Variants in MYO18B observed in about 807,000 individuals in gnomAD.
MYO18B encodes the protein unconventional myosin-XVIIIb.
A neutral mutation model predicts 273.0 loss-of-function variants in MYO18B; 204 were observed. That is an observed-to-expected ratio of 0.75 (90% confidence interval 0.67 to 0.84). The LOEUF (loss-of-function observed/expected upper bound fraction) is 0.84. Among genes scored for constraint, MYO18B ranks in the 40% least tolerant of loss-of-function variants. The pLI is 0.00. For missense variants in MYO18B, 3,212 were observed against 3,287.6 expected (o/e 0.98, Z 0.56); for synonymous variants, 1,330 against 1,305.7 (o/e 1.02, Z -0.40).
At chr22:25,850,618 C>T (rs1361697899) in intron 20 of MYO18B, among the ~76,000 whole-genome samples, 1 of 152,092 alleles carries the variant, frequency 6.6e-6, no homozygotes, top group Non-Finnish European at 1.5e-5. Context: ...CGCTCTGTCA[C>T]CCAGGCTGGA....
At chr22:26,042,528 C>T in the MYO18B span, among the ~76,000 whole-genome samples, 1 of 152,220 alleles carries the variant, frequency 6.6e-6, no homozygotes, top group African/African-American at 2.4e-5. Flanking sequence ...CATAGAGAGG[C>T]AGAATTAGTT....
At position 25,769,447 on chromosome 22, in the gene MYO18B, T is replaced by C. The variant is rs2086635363; in HGVS notation, c.1512+19T>C. The C allele has an allele frequency of 1.3e-6, 2 of 1,493,854 alleles. No homozygotes were observed. The highest frequency in any genetic ancestry group is 1.3e-5 in the South Asian group (1 of 74,730). The allele number at this position is 1,493,854 out of a possible 1,614,324, so 92.5% of individuals were successfully genotyped here. A position where few individuals can be genotyped will look rare whatever the true frequency, so the allele number is the denominator to read the frequency against. ...AGACCAGGTGAGGGGGCTGCGGCCC[T>C]GGGAGCGGGAAGCGGCAGACAGGCC... On this transcript the variant is annotated intron_variant, in intron 4 of 43. Transcript: ENST00000335473.
chr22:25,768,165 C>G lies in MYO18B; in HGVS notation c.249C>G (p.Thr83=), dbSNP rs368567040. The G allele has an allele frequency of 6.2e-7, 1 of 1,611,858 alleles. No homozygotes were observed. The highest frequency in any genetic ancestry group is 1.3e-5 in the African/African-American group (1 of 74,866). ...CCAACAGCAAGTCCAGCAGTGGCAC[C>G]AGATCTGGAAGCCAGCAGATCTCTC... ...SQPNSKSSSG[T]RSGSQQISQD... Residue 83 remains threonine, a synonymous_variant, in exon 4 of 44, where the codon ACC becomes ACG. Coordinates refer to ENST00000335473, the MANE Select transcript of MYO18B (RefSeq NM_032608.7).
chr22:25,911,650 C>T (rs939983678), intron 33 of MYO18B, among the ~76,000 whole-genome samples: 2 of 152,214 alleles, frequency 1.3e-5, no homozygotes, highest in Admixed American at 6.5e-5. Context: ...CTGTACATTG[C>T]GGGATATCAC....
At chr22:26,035,433 C>T (rs1254535758), downstream of MYO18B, among the ~76,000 whole-genome samples, 1 of 152,178 alleles carries the variant, frequency 6.6e-6, no homozygotes, top group Non-Finnish European at 1.5e-5. Flanking sequence ...CCTAGGCAAT[C>T]AGGAATGCAA....
chr22:25,783,937 T>G (rs2145677994), intron 10 of MYO18B, among the ~76,000 whole-genome samples: 1 of 152,338 alleles, frequency 6.6e-6, no homozygotes, highest in African/African-American at 2.4e-5. Flanking sequence ...TGCTGCCAAC[T>G]TGGTCCGTCA....
chr22:25,850,031 G>A (rs1170807928), intron 20 of MYO18B, among the ~76,000 whole-genome samples: 1 of 152,166 alleles, frequency 6.6e-6, no homozygotes, highest in Non-Finnish European at 1.5e-5. Context: ...GCAGATAGGT[G>A]TGCCCTAAAG....
At position 25,850,236 on chromosome 22, in the gene MYO18B, A is replaced by C. The variant is rs5761276; in HGVS notation, c.3776-1234A>C. 6.6e-5 allele frequency among the ~76,000 whole-genome samples: 10 copies of C among 152,286 alleles called. No homozygotes were observed. In the East Asian group the frequency reaches 1.9e-3, roughly 29 times the overall value. ...GATTTTACCATACCTTTTCTGATCCAGTCACTTGGGGGGTCTTTTTTAAGC... is the reference window on the plus strand; with the variant it reads ...GATTTTACCATACCTTTTCTGATCCCGTCACTTGGGGGGTCTTTTTTAAGC... On this transcript the variant is annotated intron_variant, in intron 20 of 43. Transcript: ENST00000335473.
intron 39 of MYO18B, among the ~76,000 whole-genome samples, chr22:25,983,141 G>A (rs2093166568): frequency 1.3e-5 from 2 of 152,140 alleles, no homozygotes; most frequent in Admixed American, 6.5e-5. Flanking sequence ...GGCAGAGATG[G>A]GAGGATCACT....
chr22:25,972,958 G>GAAA (rs66647025), intron 39 of MYO18B, among the ~76,000 whole-genome samples: 1 of 80,648 alleles, frequency 1.2e-5, no homozygotes, highest in Non-Finnish European at 2.7e-5. Flanking sequence ...TGTCTCAAAG[G>GAAA]AAAAAAAAAA....
intron 39 of MYO18B, among the ~76,000 whole-genome samples, chr22:25,989,012 C>T (rs1018788424): frequency 2.0e-5 from 3 of 152,160 alleles, no homozygotes; most frequent in African/African-American, 4.8e-5. Flanking sequence ...TAGTCCCAGC[C>T]GAGGCCCACC....
chr22:25,939,566 A>G (rs2092620253), intron 34 of MYO18B, among the ~76,000 whole-genome samples: 1 of 152,170 alleles, frequency 6.6e-6, no homozygotes, highest in African/African-American at 2.4e-5. Context: ...CGATGCTCTG[A>G]TTGGGTAGGC....
Position 25,826,370 on chromosome 22 carries a change from A to G in MYO18B, c.2696-39A>G, listed in dbSNP as rs375175527. On this transcript the variant is annotated intron_variant, in intron 13 of 43. Transcript: ENST00000335473. ...AGTGATGTCCTTGGCCCCAGGCAAGATCCCTAACCAAGAATGCTGATTCTG... is the reference window on the plus strand; with the variant it reads ...AGTGATGTCCTTGGCCCCAGGCAAGGTCCCTAACCAAGAATGCTGATTCTG... The G allele has an allele frequency of 5.8e-6, 9 of 1,548,996 alleles. No individual in the cohort carries two copies. In the Admixed American group the frequency reaches 1.1e-4, roughly 19 times the overall value.
chr22:25,761,575 C>T (rs780301125), intron 2 of MYO18B, among the ~76,000 whole-genome samples: 7 of 152,186 alleles, frequency 4.6e-5, no homozygotes, highest in Non-Finnish European at 7.4e-5. Flanking sequence ...GAACCGGAAA[C>T]GGGCTCTCCT....
intron 22 of MYO18B, among the ~76,000 whole-genome samples, chr22:25,869,350 C>T (rs1216405420): frequency 2.7e-5 from 4 of 149,146 alleles, no homozygotes; most frequent in Admixed American, 6.8e-5. Flanking sequence ...CTTGGGAGGC[C>T]GAGGCAGGAG....
rs374220851 is a variant in MYO18B, at chr22:25,910,999, C to T, written c.5313C>T (p.Val1771=). ...LEQEYEEKQM[V]LHEKQDLEGL... The stretch of plus-strand genomic sequence containing the variant: ...AAGAGTATGAAGAGAAGCAGATGGT[C>T]CTCCATGAGAAGCAAGATTTGGAAG... Residue 1771 remains valine, a synonymous_variant, in exon 33 of 44, where the codon GTC becomes GTT. Transcript: ENST00000335473. 4 of 1,606,004 alleles carry T rather than the reference C, an allele frequency of 2.5e-6. No homozygotes were observed. Among genetic ancestry groups the T allele is most frequent in the Non-Finnish European group, 2.6e-6 (3 of 1,176,422 alleles).
chr22:25,754,506 G>A lies in MYO18B; in HGVS notation c.-109-6478G>A, dbSNP rs529194703. ...GAACCACTACTCAGATCCAGTATGT[G>A]TACGCGGAAAACAGTTTCAAGTCAT... On this transcript the variant is annotated intron_variant, in intron 1 of 43. Transcript: ENST00000335473. Among the ~76,000 whole-genome samples, 3 of 152,298 alleles carry A rather than the reference G, an allele frequency of 2.0e-5. No homozygotes were observed. The South Asian group carries it at 6.2e-4, about 32-fold the overall frequency.
At chr22:25,781,664 G>T in intron 9 of MYO18B, 70 bp from the exon 10 acceptor site, 1 of 981,664 alleles carries the variant, frequency 1.0e-6, no homozygotes, top group Non-Finnish European at 1.4e-6. Flanking sequence ...GGGCTTCTGG[G>T]TAGCTGCACT....
chr22:25,778,034 A>C (rs2086986062), intron 8 of MYO18B, among the ~76,000 whole-genome samples: 1 of 152,228 alleles, frequency 6.6e-6, no homozygotes, highest in Non-Finnish European at 1.5e-5. Flanking sequence ...GGACATTGTT[A>C]GAACCGGATA....
Sources: allele counts gnomAD v4.1 joint callset (sites outside exome capture counted in the v4.1 genomes callset), GRCh38; gene constraint gnomAD v4.1.1; transcripts MANE v1.5; gene names NCBI Gene and HGNC (gene_info 2026-07-23, HGNC 2026-07-21).